FAT3: variants seen among roughly 807,000 people sequenced by gnomAD.
FAT3 encodes protocadherin Fat 3.
Under a neutral mutation model 310.2 loss-of-function variants are expected in FAT3, and 95 were observed. That is an observed-to-expected ratio of 0.31 (90% CI 0.26 to 0.36). The LOEUF (loss-of-function observed/expected upper bound fraction) is 0.36. Ranked by LOEUF, FAT3 falls within the 10% of genes least tolerant of loss-of-function variation. The probability of loss-of-function intolerance (pLI) is 1.00; values close to 1 mark genes in which losing one functional copy is unlikely to be tolerated. For synonymous variants in FAT3, 2,314 were observed against 2,192.9 expected (o/e 1.06, Z -1.54); for missense variants, 5,408 against 5,715.6 (o/e 0.95, Z 1.74).
chr11:92,773,962 C>A, intron 6 of FAT3, 79 bp from the exon 7 acceptor site: 1 of 1,512,902 alleles, frequency 6.6e-7, no homozygotes, highest in Non-Finnish European at 8.9e-7. Context: ...TGTATAAGAG[C>A]TCCCTTTAAA....
chr11:92,359,861 T>G (rs1948835338), intron 2 of FAT3, among the ~76,000 whole-genome samples: 4 of 141,612 alleles, frequency 2.8e-5, no homozygotes, highest in African/African-American at 8.1e-5. Flanking sequence ...TGCCACATTT[T>G]CTTAATCCAG....
chr11:92,467,292 A>T (rs1951789035), intron 2 of FAT3, among the ~76,000 whole-genome samples: 1 of 151,992 alleles, frequency 6.6e-6, no homozygotes, highest in African/African-American at 2.4e-5. Context: ...GTGAGATGGT[A>T]TCTCGTTGTT....
intron 7 of FAT3, among the ~76,000 whole-genome samples, chr11:92,784,155 C>T (rs930068772): frequency 6.6e-6 from 1 of 152,192 alleles, no homozygotes; most frequent in African/African-American, 2.4e-5. Context: ...TATCTTTTAA[C>T]TTCTCTAATT....
At chr11:92,647,908 C>T (rs1942225181) in intron 3 of FAT3, among the ~76,000 whole-genome samples, 1 of 151,990 alleles carries the variant, frequency 6.6e-6, no homozygotes, top group African/African-American at 2.4e-5. Context: ...AGAATATGTG[C>T]CTGTCTTCAT....
intron 1 of FAT3, among the ~76,000 whole-genome samples, chr11:92,323,317 T>C (rs1947676195): frequency 6.6e-6 from 1 of 152,130 alleles, no homozygotes; most frequent in South Asian, 2.1e-4. Context: ...GGCGTGATCA[T>C]GGCTCACTGC....
chr11:92,802,395 C>A (rs958950193), intron 10 of FAT3, among the ~76,000 whole-genome samples: 2 of 152,158 alleles, frequency 1.3e-5, no homozygotes, highest in Non-Finnish European at 2.9e-5. Context: ...TGATCCTTCC[C>A]TGAGAAATCC....
chr11:92,644,423 G>A (rs1224318979), intron 3 of FAT3, among the ~76,000 whole-genome samples: 1 of 152,172 alleles, frequency 6.6e-6, no homozygotes, highest in South Asian at 2.1e-4. Context: ...TGCTGAGGAA[G>A]AAGTAGTTTC....
chr11:92,374,125 T>C (rs1949273896), intron 2 of FAT3, among the ~76,000 whole-genome samples: 1 of 151,588 alleles, frequency 6.6e-6, no homozygotes, highest in Non-Finnish European at 1.5e-5. Flanking sequence ...CCCACCCACA[T>C]TGGATGAAGA....
At chr11:92,877,748 G>T (rs185937365) in intron 22 of FAT3, among the ~76,000 whole-genome samples, 133 of 152,248 alleles carry the variant, frequency 8.7e-4, no homozygotes, top group African/African-American at 2.5e-3. Context: ...TACAAGTAAA[G>T]AAATCATCTC....
In FAT3 at chr11:92,224,908, C is replaced by A. The variant is rs1226694527; in HGVS notation, c.-284C>A. On this transcript the variant is annotated 5_prime_UTR_variant, in exon 1 of 28. Transcript: ENST00000525166. ...TGTGAACTGGCCTGCGGATTGGGAT[C>A]TCGCGCCTCCCGTCCCTCTCCTCCC... 6.6e-6 allele frequency among the ~76,000 whole-genome samples: 1 copy of A among 152,068 alleles called. No homozygotes were observed. The highest frequency in any genetic ancestry group is 6.5e-5 in the Admixed American group (1 of 15,272).
intron 2 of FAT3, among the ~76,000 whole-genome samples, chr11:92,452,442 G>A (rs1209582479): frequency 6.6e-6 from 1 of 152,126 alleles, no homozygotes; most frequent in Admixed American, 6.6e-5. Context: ...AATTAGTGGA[G>A]GTCCTTCGAA....
intron 2 of FAT3, among the ~76,000 whole-genome samples, chr11:92,423,004 TA>T: frequency 6.6e-6 from 1 of 152,320 alleles, no homozygotes; most frequent in Non-Finnish European, 1.5e-5. Flanking sequence ...TGAGATTCAC[TA>T]AAGGACAATG....
intron 2 of FAT3, among the ~76,000 whole-genome samples, chr11:92,416,704 C>T (rs570147731): frequency 6.6e-6 from 1 of 152,282 alleles, no homozygotes; most frequent in East Asian, 1.9e-4. Context: ...AAGCAGTTAA[C>T]ATCTAAGTAA....
Position 92,805,495 on chromosome 11 carries a change from A to C in FAT3, c.9093+146A>C, listed in dbSNP as rs1308015187. 5.2e-6 allele frequency: 4 copies of C among 765,044 alleles called. No homozygotes were observed. The African/African-American group carries it at 7.0e-5, about 13-fold the overall frequency. The allele number at this position is 765,044 out of a possible 1,614,324, so 47.4% of individuals were successfully genotyped here. ...TATAAGAGGGTAGGAGGTGAAGTTTAGGAAGAAATATTGAAAACATGAAAA... is the reference window on the plus strand; with the variant it reads ...TATAAGAGGGTAGGAGGTGAAGTTTCGGAAGAAATATTGAAAACATGAAAA... On this transcript the variant is annotated intron_variant, in intron 11 of 27. Coordinates refer to ENST00000525166, the MANE Select transcript of FAT3 (RefSeq NM_001367949.2).
chr11:92,512,333 G>A (rs1953320996), intron 2 of FAT3, among the ~76,000 whole-genome samples: 1 of 151,580 alleles, frequency 6.6e-6, no homozygotes, highest in Admixed American at 6.6e-5. Flanking sequence ...TAGAATGGGT[G>A]CTTTGATGAG....
intron 1 of FAT3, among the ~76,000 whole-genome samples, chr11:92,229,485 T>G: frequency 7.2e-6 from 1 of 139,300 alleles, no homozygotes; most frequent in African/African-American, 2.7e-5. Context: ...TTTTTTTGTT[T>G]TTTCGTGTTT....
intron 3 of FAT3, among the ~76,000 whole-genome samples, chr11:92,527,456 C>G (rs1298286401): frequency 6.6e-6 from 1 of 152,186 alleles, no homozygotes; most frequent in Middle Eastern, 3.2e-3. Flanking sequence ...TCTCTTTGGA[C>G]CTCACTTACT....
intron 2 of FAT3, among the ~76,000 whole-genome samples, chr11:92,449,872 T>A (rs1359959895): frequency 6.6e-6 from 1 of 152,208 alleles, no homozygotes; most frequent in Admixed American, 6.5e-5. Flanking sequence ...TAGATTGGCT[T>A]CATCTTTACT....
At chr11:92,781,377 T>A (rs1946749784) in intron 7 of FAT3, among the ~76,000 whole-genome samples, 1 of 151,904 alleles carries the variant, frequency 6.6e-6, no homozygotes. Context: ...AGGCTCATTC[T>A]TAAGCTTATT....
Sources: gnomAD v4.1 joint callset for allele counts (sites outside exome capture counted in the v4.1 genomes callset) on GRCh38, gnomAD v4.1.1 for gene constraint, MANE v1.5 for transcripts, NCBI Gene and HGNC (gene_info 2026-07-23, HGNC 2026-07-21) for gene names.